CLN5: variants seen among roughly 807,000 people sequenced by gnomAD.
CLN5 encodes the protein bis(monoacylglycero)phosphate synthase CLN5.
A neutral mutation model predicts 36.7 loss-of-function variants in CLN5; 34 were observed. That is an observed-to-expected ratio of 0.93 (90% confidence interval 0.71 to 1.23). The LOEUF is 1.23. Ranked by LOEUF, CLN5 falls within the 50% of genes most tolerant of loss-of-function variation. The probability of loss-of-function intolerance (pLI) is 0.00; values close to 1 mark genes in which losing one functional copy is unlikely to be tolerated. For missense variants in CLN5, 427 were observed against 439.4 expected (o/e 0.97, Z 0.25); for synonymous variants, 151 against 155.1 (o/e 0.97, Z 0.20).
In CLN5 at chr13:76,994,625, T is replaced by G. The variant is rs1424057413; in HGVS notation, c.174-438T>G. On this transcript the variant is annotated intron_variant, in intron 1 of 3. Transcript: ENST00000377453. ...TATGTAGTGGAGCCTCAATAAATAT[T>G]GGTTGAATGAATGTTAATTCGTAAG... 3 of 171,794 alleles carry G rather than the reference T, an allele frequency of 1.7e-5. No homozygotes were observed. The East Asian group carries it at 5.2e-4, about 30-fold the overall frequency. The allele number at this position is 171,794 out of a possible 1,614,324, so 10.6% of individuals were successfully genotyped here. A position where few individuals can be genotyped will look rare whatever the true frequency, so the allele number is the denominator to read the frequency against.
Position 77,001,321 on chromosome 13 carries a change from A to G in CLN5, c.*352A>G, listed in dbSNP as rs2154035271. The stretch of plus-strand genomic sequence containing the variant: ...AAAAATACCTTCAAAAATAAAAAAT[A>G]CATTCAGTGACATTTTCATGGTGGG... On this transcript the variant is annotated 3_prime_UTR_variant, in exon 4 of 4. Coordinates refer to ENST00000377453, the MANE Select transcript of CLN5 (RefSeq NM_006493.4). 1 of 166,006 alleles carries G rather than the reference A, an allele frequency of 6.0e-6. No individual in the cohort carries two copies. The highest frequency in any genetic ancestry group is 1.7e-4 in the South Asian group (1 of 5,942). The allele number at this position is 166,006 out of a possible 1,614,324, so 10.3% of individuals were successfully genotyped here.
At chr13:76,992,318 CGA>C in intron 1 of CLN5, 47 bp downstream of exon 1, 3 of 1,382,828 alleles carry the variant, frequency 2.2e-6, no homozygotes, top group African/African-American at 1.5e-5. Context: ...TCGGCGTTGA[CGA>C]TGGGGGATGG....
chr13:76,992,334 G>T lies in CLN5; in HGVS notation c.173+63G>T, dbSNP rs903311186. Reference sequence around the variant, plus strand: ...CGGCGTTGACGATGGGGGATGGGGTGCTGGGGCGGGGACCCCTGCTCACCG... The same window carrying T: ...CGGCGTTGACGATGGGGGATGGGGTTCTGGGGCGGGGACCCCTGCTCACCG... On this transcript the variant is annotated intron_variant, in intron 1 of 3. Transcript: ENST00000377453. The T allele has an allele frequency of 3.5e-6, 5 of 1,411,728 alleles. No homozygotes were observed. The Admixed American group carries it at 1.1e-4, about 31-fold the overall frequency. 87.5% of individuals were successfully genotyped at this position (1,411,728 alleles called of 1,614,324 possible).
intron 1 of CLN5, chr13:76,993,219 T>C (rs2034209925): frequency 6.6e-6 from 1 of 152,100 alleles, no homozygotes; most frequent in Non-Finnish European, 1.5e-5. Context: ...TTACTCAGAA[T>C]CTCTGTGCCC....
At chr13:76,996,159 A>G (rs1200073170) in intron 3 of CLN5, 32 bp downstream of exon 3, 2 of 1,529,688 alleles carry the variant, frequency 1.3e-6, no homozygotes, top group Non-Finnish European at 1.8e-6. Context: ...ATATTTGATC[A>G]TTGCATCAAA....
At chr13:76,996,409 T>G in intron 3 of CLN5, 1 of 402,642 alleles carries the variant, frequency 2.5e-6, no homozygotes, top group Non-Finnish European at 4.6e-6. Context: ...ACCCGAGCAG[T>G]GTACACTGTA....
rs11840125 is a variant in CLN5 at position 77,000,430 on chromosome 13, G to T, written c.566-28G>T. 3 of 1,603,874 alleles carry T rather than the reference G, an allele frequency of 1.9e-6. No homozygotes were observed. The African/African-American group carries it at 4.0e-5, about 22-fold the overall frequency. On this transcript the variant is annotated intron_variant, in intron 3 of 3. Transcript: ENST00000377453. ...TAACATGATTAGCTTTGTTCACTAG[G>T]TGACTTTGTTTTGTTTTTTTAAACT...
chr13:76,999,413 A>G (rs1579), intron 3 of CLN5: 36,721 of 152,132 alleles, frequency 0.24, 7,908 homozygotes, highest in African/African-American at 0.58. Context: ...AAGATGGTAG[A>G]AGAGAGGGTT....
chr13:76,992,547 G>A lies in CLN5; in HGVS notation c.173+276G>A, dbSNP rs910916112. On this transcript the variant is annotated intron_variant, in intron 1 of 3. Transcript: ENST00000377453. ...TGAATCGTGGAAGAAGAAAAGGAGA[G>A]TAATGTTATTTAATGGAGGGACTTC... is the stretch of plus-strand genomic sequence containing the variant. 1.4e-4 allele frequency: 71 copies of A among 519,916 alleles called. 2 individuals carry two copies. In the South Asian group the frequency reaches 1.9e-3, roughly 14 times the overall value. 32.2% of individuals were successfully genotyped at this position (519,916 alleles called of 1,614,324 possible).
Position 76,992,212 on chromosome 13 carries a change from T to A in CLN5, c.114T>A (p.Val38=), listed in dbSNP as rs1453178211. 1 of 1,600,910 alleles carries A rather than the reference T, an allele frequency of 6.2e-7. No individual in the cohort carries two copies. Among genetic ancestry groups the A allele is most frequent in the Non-Finnish European group, 8.5e-7 (1 of 1,177,452 alleles). ...TGGCGCTGCTTTGGCTCGCGGTGGT[T>A]CCGGGCTGGTCCCGGGTCTCGGGCA... ...WALALLWLAV[V]PGWSRVSGIP... Residue 38 remains valine, a synonymous_variant, in exon 1 of 4, where the codon GTT becomes GTA. Coordinates refer to ENST00000377453, the MANE Select transcript of CLN5 (RefSeq NM_006493.4).
At chr13:76,992,579 C>G in intron 1 of CLN5, 1 of 485,758 alleles carries the variant, frequency 2.1e-6, no homozygotes, top group Non-Finnish European at 3.6e-6. Context: ...CTTCTGGGTA[C>G]AAGTAGCTGA....
intron 3 of CLN5, chr13:76,998,308 G>T (rs563349959): frequency 6.6e-6 from 1 of 152,198 alleles, no homozygotes; most frequent in Admixed American, 6.5e-5. Flanking sequence ...AATGAAAAGA[G>T]TTCAGCAATC....
chr13:76,994,254 G>A (rs754748942), intron 1 of CLN5: 3 of 152,112 alleles, frequency 2.0e-5, no homozygotes, highest in African/African-American at 7.2e-5. Context: ...TTCCTGCGTC[G>A]AGGCCTGAAA....
intron 3 of CLN5, chr13:76,999,895 TTA>T (rs1224482398): frequency 1.3e-5 from 2 of 152,210 alleles, no homozygotes; most frequent in African/African-American, 4.8e-5. Context: ...TGACTTCTCC[TTA>T]TACACCTATT....
Position 76,995,005 on chromosome 13 carries a change from G to GT in CLN5, c.174-57dup, listed in dbSNP as rs1451596402. 1.7e-5 allele frequency: 26 copies of GT among 1,526,046 alleles called. No individual in the cohort carries two copies. The Admixed American group carries it at 4.3e-4, about 26-fold the overall frequency. The allele number at this position is 1,526,046 out of a possible 1,614,324, so 94.5% of individuals were successfully genotyped here. A position where few individuals can be genotyped will look rare whatever the true frequency, so the allele number is the denominator to read the frequency against. ...AAAATGTTACTGGATTCTAAAAGAC[G>GT]TGAGAAGAATCAGATTCATTTTAGA... On this transcript the variant is annotated intron_variant, in intron 1 of 3. Coordinates refer to ENST00000377453, the MANE Select transcript of CLN5 (RefSeq NM_006493.4).
intron 1 of CLN5, chr13:76,993,384 T>C (rs1331192315): frequency 1.3e-5 from 2 of 152,252 alleles, no homozygotes; most frequent in Admixed American, 6.5e-5. Context: ...TTGTGTGATA[T>C]ACTACGTGGA....
rs1028131454 is a variant in CLN5, at chr13:77,004,109, A to T, written c.*3140A>T. 2 of 134,492 alleles carry T rather than the reference A, an allele frequency of 1.5e-5. No individual in the cohort carries two copies. The highest frequency in any genetic ancestry group is 7.6e-5 in the African/African-American group (2 of 26,158). 8.3% of individuals were successfully genotyped at this position (134,492 alleles called of 1,614,324 possible). ...ATGTAGAGGAAAACACAGTGAAGAA[A>T]CCTACTAACTTTATTTGGAACCCTC... On this transcript the variant is annotated 3_prime_UTR_variant, in exon 4 of 4. Coordinates refer to ENST00000377453, the MANE Select transcript of CLN5 (RefSeq NM_006493.4).
At position 77,000,546 on chromosome 13, in the gene CLN5, A is replaced by C. The variant is rs752406072; in HGVS notation, c.654A>C (p.Pro218=). 2.2e-5 allele frequency: 35 copies of C among 1,614,158 alleles called. No individual in the cohort carries two copies. The highest frequency in any genetic ancestry group is 3.0e-5 in the Non-Finnish European group (35 of 1,180,020). ...YYETWNVKAS[P]EKGAETWFDS... Reference sequence around the variant, plus strand: ...AGACATGGAATGTAAAAGCCAGCCCAGAAAAGGGGGCAGAGACATGGTTTG... The same window carrying C: ...AGACATGGAATGTAAAAGCCAGCCCCGAAAAGGGGGCAGAGACATGGTTTG... The change falls in exon 4 of 4, where the codon CCA becomes CCC. Residue 218 remains proline, a synonymous_variant. Transcript: ENST00000377453.
Position 76,992,102 on chromosome 13 carries a change from G to T in CLN5, c.4G>T (p.Ala2Ser). ...CGGAAGTACTGGGTGCAGCCTGATG[G>T]CGCAGGAGGTAGACACGGCACAGGG... M[A>S]QEVDTAQGAE... is the part of the protein sequence containing the mutation. The change falls in exon 1 of 4, where the codon GCG (alanine) becomes TCG (serine). Residue 2 changes from alanine to serine, a missense_variant. Physicochemically the swap from Ala to Ser is moderately conservative, Grantham distance 99 (BLOSUM62 1). Coordinates refer to ENST00000377453, the MANE Select transcript of CLN5 (RefSeq NM_006493.4). 2.5e-6 allele frequency: 4 copies of T among 1,611,902 alleles called. No individual in the cohort carries two copies. Among genetic ancestry groups the T allele is most frequent in the Middle Eastern group, 3.4e-4 (2 of 5,890 alleles).
Sources: allele counts gnomAD v4.1 joint callset, GRCh38; gene constraint gnomAD v4.1.1; transcripts MANE v1.5; gene names NCBI Gene and HGNC (gene_info 2026-07-23, HGNC 2026-07-21).